CHLSN: variants seen among roughly 807,000 people sequenced by gnomAD.
The protein encoded by CHLSN is cholesin.
chr7:1,081,409 G>A, the CHLSN span, among the ~76,000 whole-genome samples: 1 of 152,248 alleles, frequency 6.6e-6, no homozygotes, highest in African/African-American at 2.4e-5. Flanking sequence ...CCCTTTCCTT[G>A]TAGAGCCCGA....
chr7:983,014 A>G, the CHLSN span, among the ~76,000 whole-genome samples: 1 of 145,696 alleles, frequency 6.9e-6, no homozygotes, highest in Non-Finnish European at 1.5e-5. Flanking sequence ...CCCCGGCCCC[A>G]CCAGGGCCTC....
the CHLSN span, among the ~76,000 whole-genome samples, chr7:1,079,927 G>A: frequency 6.6e-6 from 1 of 152,222 alleles, no homozygotes; most frequent in Non-Finnish European, 1.5e-5. Flanking sequence ...GCTTTGGGGA[G>A]TTCCCCCAGG....
chr7:1,059,483 C>A, the CHLSN span, among the ~76,000 whole-genome samples: 3 of 151,862 alleles, frequency 2.0e-5, no homozygotes, highest in South Asian at 6.3e-4. Context: ...TGAGGAGGGT[C>A]CATAGTGGGG....
the CHLSN span, among the ~76,000 whole-genome samples, chr7:999,082 T>C: frequency 2.0e-5 from 3 of 148,842 alleles, no homozygotes; most frequent in African/African-American, 7.7e-5. Flanking sequence ...TAACTTTGCG[T>C]GTGTGTGTGT....
the CHLSN span, among the ~76,000 whole-genome samples, chr7:1,004,634 C>T: frequency 1.3e-5 from 2 of 152,180 alleles, no homozygotes; most frequent in East Asian, 1.9e-4. Context: ...CAGCGAGGGG[C>T]GGGTGGGGTG....
At chr7:1,024,040 C>T in the CHLSN span, among the ~76,000 whole-genome samples, 1 of 152,176 alleles carries the variant, frequency 6.6e-6, no homozygotes, top group South Asian at 2.1e-4. Context: ...AGGACCAAGG[C>T]TGCTCTCACA....
chr7:1,016,799 ACAG>A, the CHLSN span, among the ~76,000 whole-genome samples: 2 of 110,154 alleles, frequency 1.8e-5, no homozygotes, highest in Non-Finnish European at 3.4e-5. Context: ...ACAGCAGCAC[ACAG>A]CAGCACACAC....
the CHLSN span, among the ~76,000 whole-genome samples, chr7:1,124,918 T>C: frequency 2.0e-3 from 309 of 152,220 alleles, 1 homozygote; most frequent in African/African-American, 7.1e-3. Context: ...CCGGGTGACC[T>C]TGGGGTGTTC....
chr7:978,103 G>A, the CHLSN span, among the ~76,000 whole-genome samples: 1 of 152,228 alleles, frequency 6.6e-6, no homozygotes, highest in Non-Finnish European at 1.5e-5. Flanking sequence ...GGGACCTGTG[G>A]CCTGGAGGTG....
At chr7:1,118,184 A>T in the CHLSN span, among the ~76,000 whole-genome samples, 1 of 152,228 alleles carries the variant, frequency 6.6e-6, no homozygotes, top group Non-Finnish European at 1.5e-5. Context: ...TGCTTTGGAA[A>T]ATGTGAATTA....
chr7:996,775 T>C, the CHLSN span, among the ~76,000 whole-genome samples: 1 of 152,224 alleles, frequency 6.6e-6, no homozygotes, highest in Non-Finnish European at 1.5e-5. Context: ...CTGTGCGGCC[T>C]AAGTGTGTTT....
At chr7:1,061,279 G>A in the CHLSN span, among the ~76,000 whole-genome samples, 1 of 152,084 alleles carries the variant, frequency 6.6e-6, no homozygotes. Flanking sequence ...AGGGCCCCAG[G>A]GACACCCTGC....
the CHLSN span, chr7:984,999 G>T: frequency 2.4e-5 from 38 of 1,610,788 alleles, no homozygotes; most frequent in Non-Finnish European, 3.1e-5. Context: ...GCCAGTTCAC[G>T]GTGCGTGCCC....
chr7:1,093,487 G>C, the CHLSN span: 1 of 470,198 alleles, frequency 2.1e-6, no homozygotes, highest in South Asian at 1.5e-5. Context: ...GGCCCACGAG[G>C]AGCAGCAGCG....
At chr7:982,431 C>T in the CHLSN span, among the ~76,000 whole-genome samples, 2 of 152,260 alleles carry the variant, frequency 1.3e-5, no homozygotes, top group Non-Finnish European at 2.9e-5. Context: ...CCGGCCGCTT[C>T]TGCTGCCAGC....
chr7:1,037,165 T>A, the CHLSN span, among the ~76,000 whole-genome samples: 2 of 146,238 alleles, frequency 1.4e-5, no homozygotes. Context: ...TTCAGTCTGA[T>A]AAAGGGCATC....
At chr7:1,080,871 C>T in the CHLSN span, 4 of 152,440 alleles carry the variant, frequency 2.6e-5, no homozygotes, top group Admixed American at 6.5e-5. Context: ...GGCTGAGAGC[C>T]GCTTGGCCTG....
chr7:1,022,893 G>A, the CHLSN span: 8 of 406,612 alleles, frequency 2.0e-5, no homozygotes, highest in Admixed American at 5.8e-5. Flanking sequence ...TACAAAGCGC[G>A]GCGACGTCTC....
the CHLSN span, chr7:984,343 G>A: frequency 4.9e-5 from 73 of 1,482,942 alleles, no homozygotes; most frequent in Middle Eastern, 1.7e-4. Flanking sequence ...GCACAGGCCC[G>A]GCCTGAGGGG....
Sources: allele counts gnomAD v4.1 joint callset (sites outside exome capture counted in the v4.1 genomes callset), GRCh38; gene constraint gnomAD v4.1.1; transcripts MANE v1.5; gene names NCBI Gene and HGNC (gene_info 2026-07-23, HGNC 2026-07-21).